APBB1IP: variants seen among roughly 807,000 people sequenced by gnomAD.
APBB1IP encodes amyloid beta A4 precursor protein-binding family B member 1-interacting protein.
APBB1IP carries 27 observed loss-of-function variants against 64.9 expected under a neutral mutation model. That is an observed-to-expected ratio of 0.42 (90% CI 0.31 to 0.57). The LOEUF is 0.57. Ranked by LOEUF, APBB1IP falls within the 20% of genes least tolerant of loss-of-function variation. The pLI is 0.20. For missense variants in APBB1IP, 812 were observed against 845.5 expected (o/e 0.96, Z 0.49); for synonymous variants, 392 against 331.0 (o/e 1.18, Z -2.00).
At chr10:26,528,668 G>A (rs983887697) in intron 8 of APBB1IP, among the ~76,000 whole-genome samples, 1 of 152,182 alleles carries the variant, frequency 6.6e-6, no homozygotes, top group Non-Finnish European at 1.5e-5. Flanking sequence ...CAGGCATGGT[G>A]GCTCACGCCT....
At chr10:26,450,690 C>CTTTTTTTT (rs10685344) in intron 2 of APBB1IP, among the ~76,000 whole-genome samples, 1 of 138,894 alleles carries the variant, frequency 7.2e-6, no homozygotes. Flanking sequence ...AACTCAGATT[C>CTTTTTTTT]TTTTTTTTTT....
chr10:26,524,974 T>TTTTTTTTTTTTTTTTTTTTTTTTG (rs1554778195), intron 8 of APBB1IP, among the ~76,000 whole-genome samples: 1 of 126,694 alleles, frequency 7.9e-6, no homozygotes, highest in Non-Finnish European at 1.7e-5. Flanking sequence ...TTTTTTTTTT[T>TTTTTTTTTTTTTTTTTTTTTTTTG]ATAAAAAAAG....
chr10:26,550,413 C>G (rs1425570115), intron 11 of APBB1IP, among the ~76,000 whole-genome samples: 2 of 152,028 alleles, frequency 1.3e-5, no homozygotes, highest in Admixed American at 1.3e-4. Flanking sequence ...GATGATGTCC[C>G]ATGGGTCATG....
chr10:26,483,202 G>T (rs1437741408), intron 2 of APBB1IP, among the ~76,000 whole-genome samples: 1 of 149,974 alleles, frequency 6.7e-6, no homozygotes, highest in Non-Finnish European at 1.5e-5. Flanking sequence ...TCATTGAAGA[G>T]AAGAAATACA....
At position 26,567,362 on chromosome 10, in the gene APBB1IP, G is replaced by T. The variant is rs749399600; in HGVS notation, c.1875G>T (p.Lys625Asn). 2.0e-6 allele frequency: 3 copies of T among 1,536,544 alleles called. No homozygotes were observed. The highest frequency in any genetic ancestry group is 2.6e-6 in the Non-Finnish European group (3 of 1,135,312). ...DSARPPPAVA[K>N]RPPVPPKRQE... ...CCAGGCCGCCCCCCGCGGTGGCCAA[G>T]AGGCCTCCTGTGCCCCCCAAGAGGC... Residue 625 changes from lysine to asparagine, a missense_variant, in exon 15 of 15, where the codon AAG (lysine) becomes AAT (asparagine). By Grantham distance (94) the Lys-to-Asn change is moderately conservative. Coordinates refer to ENST00000376236, the MANE Select transcript of APBB1IP (RefSeq NM_019043.4).
At chr10:26,519,057 C>G (rs1836368706) in intron 8 of APBB1IP, among the ~76,000 whole-genome samples, 1 of 145,612 alleles carries the variant, frequency 6.9e-6, no homozygotes, top group Non-Finnish European at 1.5e-5. Flanking sequence ...GGTGGATCAC[C>G]TAAGATCAGG....
At chr10:26,512,013 A>G in intron 7 of APBB1IP, 107 bp downstream of exon 7, 1 of 1,270,132 alleles carries the variant, frequency 7.9e-7, no homozygotes, top group Non-Finnish European at 1.1e-6. Flanking sequence ...TATAAAAAAT[A>G]GACACATGCT....
chr10:26,566,944 C>T lies in APBB1IP; in HGVS notation c.1474-17C>T. ...AAAATTAAAAAAAAAATGAATGCTA[C>T]TGCCACTCGGTTGCAGGATAAGAAG... On this transcript the variant is annotated splice_polypyrimidine_tract_variant and intron_variant, in intron 14 of 14. Coordinates refer to ENST00000376236, the MANE Select transcript of APBB1IP (RefSeq NM_019043.4). The T allele has an allele frequency of 3.2e-6, 5 of 1,559,732 alleles. No individual in the cohort carries two copies. The highest frequency in any genetic ancestry group is 4.3e-6 in the Non-Finnish European group (5 of 1,165,298).
At chr10:26,450,322 C>T (rs1470912961) in intron 2 of APBB1IP, among the ~76,000 whole-genome samples, 1 of 152,136 alleles carries the variant, frequency 6.6e-6, no homozygotes, top group Non-Finnish European at 1.5e-5. Flanking sequence ...AAAATTAAAT[C>T]CCCCCTAGAA....
At chr10:26,516,565 A>AAAAAAAAAAAAAAAAAAAAAAC (rs1836333391) in intron 8 of APBB1IP, among the ~76,000 whole-genome samples, 1 of 149,332 alleles carries the variant, frequency 6.7e-6, no homozygotes, top group African/African-American at 2.5e-5. Flanking sequence ...AAAAAAAGTA[A>AAAAAAAAAAAAAAAAAAAAAAC]AGCGGAAAAG....
At chr10:26,527,221 G>A (rs945103786) in intron 8 of APBB1IP, among the ~76,000 whole-genome samples, 1 of 152,134 alleles carries the variant, frequency 6.6e-6, no homozygotes. Context: ...CAGTGTGGGC[G>A]TGTGTGATTA....
intron 2 of APBB1IP, among the ~76,000 whole-genome samples, chr10:26,489,839 A>G (rs1835934053): frequency 6.6e-6 from 1 of 152,226 alleles, no homozygotes; most frequent in Non-Finnish European, 1.5e-5. Context: ...AGCCTGGCCA[A>G]CATCATGAAA....
chr10:26,464,266 A>G (rs916226203), intron 2 of APBB1IP, among the ~76,000 whole-genome samples: 4 of 152,232 alleles, frequency 2.6e-5, no homozygotes, highest in African/African-American at 9.6e-5. Context: ...GAGACAGTAT[A>G]TAGTCACCCC....
At chr10:26,529,381 C>T (rs1564370302) in intron 8 of APBB1IP, among the ~76,000 whole-genome samples, 2 of 152,136 alleles carry the variant, frequency 1.3e-5, no homozygotes, top group Non-Finnish European at 2.9e-5. Flanking sequence ...GTGTTTTTTG[C>T]TATTTCATTA....
At chr10:26,496,448 C>A (rs1836026118) in intron 4 of APBB1IP, 57 bp downstream of exon 4, 6 of 1,323,116 alleles carry the variant, frequency 4.5e-6, no homozygotes, top group South Asian at 1.2e-5. Flanking sequence ...TGATTCAAAT[C>A]AGTATGAAAC....
rs1564370527 is a variant in APBB1IP at position 26,530,233 on chromosome 10, T to TG, written c.814-3206_814-3205insG. On this transcript the variant is annotated intron_variant, in intron 8 of 14. Transcript: ENST00000376236. ...TAAAGCTTTTTTTTCTTTTTCTTTTTTTTTTTTTTTTTGAGACGAGGCCCC... is the reference window on the plus strand; with the variant it reads ...TAAAGCTTTTTTTTCTTTTTCTTTTTGTTTTTTTTTTTTGAGACGAGGCCCC... Among the ~76,000 whole-genome samples, 4 of 7,244 alleles carry TG rather than the reference T, an allele frequency of 5.5e-4. No individual in the cohort carries two copies. In the Admixed American group the frequency reaches 6.6e-3, roughly 12 times the overall value. The allele number at this position is 7,244 out of a possible 152,430, so 4.8% of individuals were successfully genotyped here. A position where few individuals can be genotyped will look rare whatever the true frequency, so the allele number is the denominator to read the frequency against.
chr10:26,459,807 T>C (rs1255708368), intron 2 of APBB1IP, among the ~76,000 whole-genome samples: 4 of 152,204 alleles, frequency 2.6e-5, no homozygotes, highest in African/African-American at 7.2e-5. Flanking sequence ...ATTTACATTT[T>C]CTGGCACATA....
At chr10:26,527,554 A>G (rs1836490495) in intron 8 of APBB1IP, among the ~76,000 whole-genome samples, 1 of 150,970 alleles carries the variant, frequency 6.6e-6, no homozygotes, top group Non-Finnish European at 1.5e-5. Flanking sequence ...AAAAAAAAAA[A>G]AAAAGAAAAA....
intron 2 of APBB1IP, among the ~76,000 whole-genome samples, chr10:26,471,514 T>C (rs776613181): frequency 3.4e-4 from 51 of 152,112 alleles, no homozygotes; most frequent in Non-Finnish European, 5.6e-4. Context: ...TAAAACTGGA[T>C]TGTCACTGAA....
Sources: allele counts gnomAD v4.1 joint callset (sites outside exome capture counted in the v4.1 genomes callset), GRCh38; gene constraint gnomAD v4.1.1; transcripts MANE v1.5; gene names NCBI Gene and HGNC (gene_info 2026-07-23, HGNC 2026-07-21).